KIF13A: variants seen among roughly 807,000 people sequenced by gnomAD.
KIF13A encodes kinesin family member 13A.
In KIF13A, 79 loss-of-function variants were observed where a neutral mutation model predicts 212.2. The observed-to-expected ratio is 0.37, with a 90% CI of 0.31 to 0.45. KIF13A has a LOEUF of 0.45. Among genes scored for constraint, KIF13A ranks in the 20% least tolerant of loss-of-function variants. The pLI is 1.00. For missense variants in KIF13A, 1,901 were observed against 2,209.0 expected (o/e 0.86, Z 2.79); for synonymous variants, 789 against 808.6 (o/e 0.98, Z 0.41).
intron 2 of KIF13A, among the ~76,000 whole-genome samples, chr6:17,943,109 C>A (rs1191275305): frequency 6.6e-6 from 1 of 152,170 alleles, no homozygotes; most frequent in Non-Finnish European, 1.5e-5. Flanking sequence ...TTCGTTCATT[C>A]TGCAATCTTT....
At chr6:17,802,293 CTTT>C (rs577749171) in intron 20 of KIF13A, among the ~76,000 whole-genome samples, 3 of 140,750 alleles carry the variant, frequency 2.1e-5, no homozygotes, top group Non-Finnish European at 1.6e-5. Context: ...TGTTCTTAAG[CTTT>C]TTTTTTTTTT....
At chr6:17,820,511 G>A (rs547943290) in intron 16 of KIF13A, among the ~76,000 whole-genome samples, 2 of 152,278 alleles carry the variant, frequency 1.3e-5, no homozygotes, top group African/African-American at 4.8e-5. Flanking sequence ...ATCCAAATCA[G>A]CAAGTCGATC....
rs771229208 is a variant in KIF13A, at chr6:17,799,993, T to C, written c.2575A>G (p.Ser859Gly). The change falls in exon 21 of 39, where the codon AGC becomes GGC. Residue 859 changes from serine (S) to glycine (G), a missense_variant. Physicochemically the swap from Ser to Gly is moderately conservative, Grantham distance 56. This residue lies in a region of KIF13A where 534 missense variants were observed against 536.9 expected (regional missense o/e 0.99). Transcript: ENST00000259711. This position sits in a 1 kb window ranked among gnomAD's most constrained non-coding sequence, Gnocchi z 4.4. ...ESGSLEVVDSSGEIIHRVKKL... is the reference protein window; with the variant it reads ...ESGSLEVVDSGGEIIHRVKKL... Reference sequence around the variant, plus strand: ...TTGACTCGGTGAATGATTTCCCCGCTGCTGTCTACGACTTCAAGGCTCCCA... The same window carrying C: ...TTGACTCGGTGAATGATTTCCCCGCCGCTGTCTACGACTTCAAGGCTCCCA... 3 of 1,614,032 alleles carry C rather than the reference T, an allele frequency of 1.9e-6. No homozygotes were observed. The South Asian group carries it at 3.3e-5, about 18-fold the overall frequency.
intron 26 of KIF13A, among the ~76,000 whole-genome samples, chr6:17,788,913 C>T (rs1364903132): frequency 7.2e-5 from 11 of 151,874 alleles, no homozygotes; most frequent in East Asian, 3.9e-4. Context: ...TTAGTAGAGA[C>T]GGAGTTTCAC....
chr6:17,807,858 G>A (rs1763101541), intron 18 of KIF13A, among the ~76,000 whole-genome samples: 1 of 152,110 alleles, frequency 6.6e-6, no homozygotes, highest in Non-Finnish European at 1.5e-5. Context: ...TTCTCAGCTG[G>A]CTGACACTTA....
chr6:17,943,294 T>C (rs1777104463), intron 2 of KIF13A, among the ~76,000 whole-genome samples: 2 of 152,304 alleles, frequency 1.3e-5, no homozygotes, highest in South Asian at 4.1e-4. Flanking sequence ...TCTATTTTTA[T>C]AATCCCTCTC....
At position 17,787,528 on chromosome 6, in the gene KIF13A, G is replaced by C. The variant is rs998595988; in HGVS notation, c.3361+248C>G. 1.3e-5 allele frequency among the ~76,000 whole-genome samples: 2 copies of C among 152,112 alleles called. No homozygotes were observed. The highest frequency in any genetic ancestry group is 2.9e-5 in the Non-Finnish European group (2 of 68,028). On this transcript the variant is annotated intron_variant, in intron 27 of 38. Transcript: ENST00000259711. This position sits in a 1 kb window ranked among gnomAD's most constrained non-coding sequence, Gnocchi z 4.6. ...GAGCCAGGAGTGGTAGCTTGTGCCT[G>C]TGGTCTCAGCTACTCAGGAGGCTGA...
chr6:17,881,702 AAGC>A (rs1771083523), intron 3 of KIF13A: 19 of 330,262 alleles, frequency 5.8e-5, no homozygotes, highest in South Asian at 4.6e-4. Flanking sequence ...TCTCAAAAAA[AAGC>A]AGCAGCAATG....
rs531146543 is a variant in KIF13A, at chr6:17,914,851, A to C, written c.147-16671T>G. 4.8e-4 allele frequency among the ~76,000 whole-genome samples: 73 copies of C among 152,326 alleles called. No individual in the cohort carries two copies. Among genetic ancestry groups the C allele is most frequent in the Non-Finnish European group, 9.4e-4 (64 of 68,020 alleles). On this transcript the variant is annotated intron_variant, in intron 2 of 38. Transcript: ENST00000259711. The surrounding 1 kb of genome is among the most constrained non-coding windows in gnomAD (Gnocchi z 5.9). ...TGTGCAATTCTCTTGTCATGTCTTC[A>C]AAAGTATCACACAGTGAGGCTTTCC... is the stretch of plus-strand genomic sequence containing the variant.
In KIF13A at chr6:17,905,000, C is replaced by G. The variant is rs114428097; in HGVS notation, c.147-6820G>C. 2.0e-5 allele frequency among the ~76,000 whole-genome samples: 3 copies of G among 152,186 alleles called. No homozygotes were observed. In the South Asian group the frequency reaches 6.2e-4, roughly 31 times the overall value. On this transcript the variant is annotated intron_variant, in intron 2 of 38. Transcript: ENST00000259711. ...CAACTTGGAGAACTAAACAGGTCAT[C>G]GAAATCTTCTAAGTCAAACTTGCCC...
At chr6:17,983,607 C>T (rs935047136) in intron 2 of KIF13A, among the ~76,000 whole-genome samples, 1 of 152,078 alleles carries the variant, frequency 6.6e-6, no homozygotes, top group Non-Finnish European at 1.5e-5. Flanking sequence ...ATTCTCCTGC[C>T]TTAGGCTCCT....
At chr6:17,901,861 G>A (rs1219827357) in intron 2 of KIF13A, among the ~76,000 whole-genome samples, 1 of 152,204 alleles carries the variant, frequency 6.6e-6, no homozygotes, top group Admixed American at 6.5e-5. Flanking sequence ...GCTGGGCATG[G>A]TGGCATGAGC....
rs112013575 is a variant in KIF13A, at chr6:17,886,073, T to G, written c.159+12095A>C. Among the ~76,000 whole-genome samples, 436 of 152,380 alleles carry G rather than the reference T, an allele frequency of 2.9e-3. 1 individual carries two copies. The highest frequency in any genetic ancestry group is 4.3e-3 in the Non-Finnish European group (290 of 68,042). On this transcript the variant is annotated intron_variant, in intron 3 of 38. Coordinates refer to ENST00000259711, the MANE Select transcript of KIF13A (RefSeq NM_022113.6). This position sits in a 1 kb window ranked among gnomAD's most constrained non-coding sequence, Gnocchi z 5.6. Reference sequence around the variant, plus strand: ...CAGTCCAAAAGATAAGTTGCAAATGTCTAAGCATCTGCTATCAGATCCTAT... The same window carrying G: ...CAGTCCAAAAGATAAGTTGCAAATGGCTAAGCATCTGCTATCAGATCCTAT...
chr6:17,866,828 CATATATATATATATAT>C (rs60217235), intron 4 of KIF13A, among the ~76,000 whole-genome samples: 545 of 22,894 alleles, frequency 0.024, 12 homozygotes, highest in African/African-American at 0.085. Flanking sequence ...AAAAGCAGCG[CATATATATATATATAT>C]ATATATATAT....
chr6:17,817,310 G>C, intron 16 of KIF13A, 77 bp from the exon 17 acceptor site: 1 of 1,299,752 alleles, frequency 7.7e-7, no homozygotes, highest in Non-Finnish European at 1.1e-6. Context: ...TGCAGCCTGT[G>C]GGAGGCTTCC....
intron 2 of KIF13A, among the ~76,000 whole-genome samples, chr6:17,953,036 A>G (rs1406771234): frequency 1.3e-5 from 2 of 152,178 alleles, no homozygotes; most frequent in African/African-American, 4.8e-5. Context: ...GAATATATTA[A>G]TGATGCTTTC....
At position 17,764,807 on chromosome 6, in the gene KIF13A, A is replaced by G. The variant is rs1758798757; in HGVS notation, c.4721T>C (p.Val1574Ala). 1 of 1,613,370 alleles carries G rather than the reference A, an allele frequency of 6.2e-7. No homozygotes were observed. Among genetic ancestry groups the G allele is most frequent in the Non-Finnish European group, 8.5e-7 (1 of 1,179,634 alleles). ...CAAGACCCGTGAGTTTGACAGATCT[A>G]CTTTAGAGGAAAACCATTCCCTGTT... ...LENREWFSSKVDLSNSRVLEK... is the reference protein window; with the variant it reads ...LENREWFSSKADLSNSRVLEK... The change falls in exon 39 of 39, where the codon GTA (valine) becomes GCA (alanine). Residue 1574 changes from valine (V) to alanine (A), a missense_variant. Val to Ala is a moderately conservative substitution (Grantham distance 64). This residue lies in a region of KIF13A where 687 missense variants were observed against 759.1 expected (regional missense o/e 0.90). Transcript: ENST00000259711. The surrounding 1 kb of genome is among the most constrained non-coding windows in gnomAD (Gnocchi z 5.1).
Position 17,850,351 on chromosome 6 carries a change from G to A in KIF13A, c.689C>T (p.Thr230Ile), listed in dbSNP as rs569555938. ...AGACTGCAGGTCATAAAGTGTCTGT[G>A]TGATTATGATGTTGAACACAGCATG... ...RSHAVFNIII[T>I]QTLYDLQSGN... is the part of the protein sequence containing the mutation. Residue 230 changes from threonine to isoleucine, a missense_variant, in exon 8 of 39, where the codon ACA becomes ATA. By Grantham distance (89) the Thr-to-Ile change is moderately conservative. Transcript: ENST00000259711. This position sits in a 1 kb window ranked among gnomAD's most constrained non-coding sequence, Gnocchi z 6.2. 2 of 1,613,794 alleles carry A rather than the reference G, an allele frequency of 1.2e-6. No homozygotes were observed. The highest frequency in any genetic ancestry group is 2.2e-5 in the South Asian group (2 of 91,058).
rs1170494715 is a variant in KIF13A, at chr6:17,773,174, A to G, written c.4324+304T>C. 2.6e-5 allele frequency among the ~76,000 whole-genome samples: 4 copies of G among 152,190 alleles called. No homozygotes were observed. Among genetic ancestry groups the G allele is most frequent in the Admixed American group, 1.3e-4 (2 of 15,270 alleles). ...AGAGCTGGATATTCTGGTAGAAAAT[A>G]ATAGGATTTGTATGTGTCTCAAAAC... On this transcript the variant is annotated intron_variant, in intron 36 of 38. Transcript: ENST00000259711. The surrounding 1 kb of genome is among the most constrained non-coding windows in gnomAD (Gnocchi z 4.2).
Sources: allele counts gnomAD v4.1 joint callset (sites outside exome capture counted in the v4.1 genomes callset), GRCh38; gene constraint gnomAD v4.1.1; regional missense constraint gnomAD v4.1.1; non-coding constraint Gnocchi (gnomAD v3.1); transcripts MANE v1.5; gene names NCBI Gene and HGNC (gene_info 2026-07-23, HGNC 2026-07-21).